SHPRH: variants seen among roughly 807,000 people sequenced by gnomAD.
SHPRH encodes E3 ubiquitin-protein ligase SHPRH.
In SHPRH, 106 loss-of-function variants were observed where a neutral mutation model predicts 202.5. The ratio of observed to expected loss-of-function variants is 0.52; its 90% confidence interval spans 0.45 to 0.62. The LOEUF is 0.62. Among genes scored for constraint, SHPRH ranks in the 20% least tolerant of loss-of-function variants. The pLI, the probability that SHPRH is intolerant of heterozygous loss-of-function variation, is 0.00. For synonymous variants in SHPRH, 729 were observed against 686.0 expected (o/e 1.06, Z -0.98); for missense variants, 1,710 against 2,020.0 (o/e 0.85, Z 2.94).
In SHPRH at chr6:145,941,835, G is replaced by T. The variant is rs185072292; in HGVS notation, c.2278C>A (p.His760Asn). ...ACTATATCCTGTTCTGCCAAAAAAT[G>T]AGGTTGTAAAAAGCCATCTTTCTTC... ...GVKKDGFLQP[H>N]FLAEQDIVII... Residue 760 changes from histidine (H) to asparagine (N), a missense_variant, in exon 10 of 30, where the codon CAT becomes AAT. This residue lies in a region of SHPRH where 277 missense variants were observed against 363.0 expected (regional missense o/e 0.76). Transcript: ENST00000275233. 522 of 1,613,890 alleles carry T rather than the reference G, an allele frequency of 3.2e-4. 1 individual carries two copies. The African/African-American group carries it at 6.2e-3, about 19-fold the overall frequency.
At chr6:145,954,659 C>T in intron 2 of SHPRH, 31 bp downstream of exon 2, 1 of 1,534,688 alleles carries the variant, frequency 6.5e-7, no homozygotes, top group Non-Finnish European at 8.7e-7. Context: ...GTAGAAGAGC[C>T]TCAAAAAAGA....
At chr6:145,924,715 A>C (rs773942461) in intron 17 of SHPRH, 24 bp downstream of exon 17, 4 of 1,599,614 alleles carry the variant, frequency 2.5e-6, no homozygotes, top group African/African-American at 2.7e-5. Context: ...AAATACAAGT[A>C]AGAAACACTG....
intron 23 of SHPRH, among the ~76,000 whole-genome samples, chr6:145,916,325 C>T (rs776129998): frequency 3.3e-5 from 5 of 152,062 alleles, no homozygotes; most frequent in Non-Finnish European, 5.9e-5. Context: ...TGATGCAATG[C>T]TCACAGGAAA....
At position 145,924,803 on chromosome 6, in the gene SHPRH, TC is replaced by T; in HGVS notation, c.3337del (p.Glu1113LysfsTer31). The part of the protein sequence containing the change: ...REHYMSKCNT[E>X]VAEAQQALYP... ...TAAAGCTTGCTGGGCTTCAGCAACT[TC>T]TGTATTACACTTGCTCATGTAGTGC... On this transcript the variant is annotated frameshift_variant, in exon 17 of 30. Transcript: ENST00000275233. LOFTEE classifies it high-confidence loss of function. 1.2e-6 allele frequency: 2 copies of T among 1,611,920 alleles called. No individual in the cohort carries two copies. Among genetic ancestry groups the T allele is most frequent in the Non-Finnish European group, 1.7e-6 (2 of 1,178,536 alleles).
intron 14 of SHPRH, among the ~76,000 whole-genome samples, chr6:145,930,499 T>A (rs1458182239): frequency 6.6e-6 from 1 of 152,184 alleles, no homozygotes; most frequent in Admixed American, 6.5e-5. Flanking sequence ...ACCCAAAGGT[T>A]TAGAAGTGTG....
At chr6:145,930,121 C>G (rs1275901344) in intron 14 of SHPRH, among the ~76,000 whole-genome samples, 1 of 152,112 alleles carries the variant, frequency 6.6e-6, no homozygotes, top group Non-Finnish European at 1.5e-5. Context: ...TGCTCAGCTT[C>G]TGAGAATCCT....
intron 9 of SHPRH, among the ~76,000 whole-genome samples, chr6:145,942,851 T>C (rs1321444359): frequency 6.6e-6 from 1 of 152,198 alleles, no homozygotes; most frequent in Non-Finnish European, 1.5e-5. Flanking sequence ...CTGAAGACTA[T>C]AAATGCTTAT....
chr6:145,941,825 G>C lies in SHPRH; in HGVS notation c.2288C>G (p.Ala763Gly), dbSNP rs1192891910. 1 of 1,613,810 alleles carries C rather than the reference G, an allele frequency of 6.2e-7. No homozygotes were observed. Among genetic ancestry groups the C allele is most frequent in the Non-Finnish European group, 8.5e-7 (1 of 1,179,882 alleles). ...KDGFLQPHFL[A>G]EQDIVIITYD... ...GGTAATGATAACTATATCCTGTTCT[G>C]CCAAAAAATGAGGTTGTAAAAAGCC... The change falls in exon 10 of 30, where the codon GCA becomes GGA. Residue 763 changes from alanine to glycine, a missense_variant. This residue lies in a region of SHPRH where 277 missense variants were observed against 363.0 expected (regional missense o/e 0.76). Transcript: ENST00000275233.
Position 145,955,264 on chromosome 6 carries a change from T to A in SHPRH, c.59A>T (p.Gln20Leu). 6 of 1,612,008 alleles carry A rather than the reference T, an allele frequency of 3.7e-6. No homozygotes were observed. Among genetic ancestry groups the A allele is most frequent in the Non-Finnish European group, 5.1e-6 (6 of 1,179,802 alleles). The stretch of plus-strand genomic sequence containing the variant: ...GTCCTCATGCATATTCCAATGAAGC[T>A]GCTGCCTCTTTTCCTCATCTACCCT... ...PVRVDEEKRQ[Q>L]LHWNMHEDRR... The change falls in exon 2 of 30, where the codon CAG becomes CTG. Residue 20 changes from glutamine (Q) to leucine (L), a missense_variant. Around this residue, in one of 8 missense-constraint regions of SHPRH, gnomAD observed 459 missense variants for 426.5 expected, o/e 1.08. Coordinates refer to ENST00000275233, the MANE Select transcript of SHPRH (RefSeq NM_001042683.3).
intron 25 of SHPRH, among the ~76,000 whole-genome samples, chr6:145,901,074 G>C (rs1782463410): frequency 6.6e-6 from 1 of 151,978 alleles, no homozygotes; most frequent in Non-Finnish European, 1.5e-5. Context: ...AAAACATCAT[G>C]TTGTATACTA....
At chr6:145,883,865 T>G (rs182245229), downstream of SHPRH, 116 of 152,322 alleles carry the variant, frequency 7.6e-4, no homozygotes, top group African/African-American at 2.6e-3. Context: ...AATGGCACAT[T>G]GTGGGATTTT....
At chr6:145,876,843 T>C (rs938921921) in intron 2 of SHPRH, 2 of 152,166 alleles carry the variant, frequency 1.3e-5, no homozygotes, top group African/African-American at 4.8e-5. Flanking sequence ...AATAGTGTCC[T>C]TATAAAAAGC....
At chr6:145,904,877 C>T (rs997900356) in intron 25 of SHPRH, 4 of 152,080 alleles carry the variant, frequency 2.6e-5, no homozygotes, top group Admixed American at 2.0e-4. Flanking sequence ...TGAAAGACAG[C>T]GAGAAGTGAG....
At chr6:145,895,675 C>T (rs1013362747) in intron 25 of SHPRH, among the ~76,000 whole-genome samples, 2 of 151,834 alleles carry the variant, frequency 1.3e-5, no homozygotes, top group African/African-American at 4.8e-5. Flanking sequence ...GAAAGTTTTC[C>T]TTCTGGAGTG....
intron 16 of SHPRH, 123 bp downstream of exon 16, chr6:145,926,081 A>T (rs1019179907): frequency 2.7e-5 from 25 of 933,252 alleles, no homozygotes; most frequent in Non-Finnish European, 4.0e-5. Flanking sequence ...TCGAAACATC[A>T]AAGTAACAGG....
chr6:145,948,251 A>G (rs1339740507), intron 5 of SHPRH, 21 bp downstream of exon 5: 8 of 1,527,276 alleles, frequency 5.2e-6, no homozygotes, highest in Middle Eastern at 1.8e-4. Flanking sequence ...AATCAAGCAT[A>G]TAAGTAAAAT....
At chr6:145,922,551 G>T in intron 19 of SHPRH, 112 bp downstream of exon 19, 1 of 1,325,802 alleles carries the variant, frequency 7.5e-7, no homozygotes, top group Non-Finnish European at 1.0e-6. Flanking sequence ...TTCTACTTCT[G>T]TCTCAATTAA....
intron 14 of SHPRH, among the ~76,000 whole-genome samples, chr6:145,929,742 T>A (rs896535700): frequency 6.6e-6 from 1 of 151,994 alleles, no homozygotes; most frequent in African/African-American, 2.4e-5. Context: ...AGAGGGAAGA[T>A]TTGCACACAA....
intron 1 of SHPRH, among the ~76,000 whole-genome samples, chr6:145,960,272 A>C (rs1788953166): frequency 6.6e-6 from 1 of 152,128 alleles, no homozygotes; most frequent in Non-Finnish European, 1.5e-5. Flanking sequence ...GTGCTTAAAA[A>C]CCACTAAGGT....
Sources: gnomAD v4.1 joint callset for allele counts (sites outside exome capture counted in the v4.1 genomes callset) on GRCh38, gnomAD v4.1.1 for gene constraint, gnomAD v4.1.1 regional missense constraint, MANE v1.5 for transcripts, NCBI Gene and HGNC (gene_info 2026-07-23, HGNC 2026-07-21) for gene names.